Variants in CSMD3 observed in about 807,000 individuals in gnomAD.
The protein encoded by CSMD3 is CUB and Sushi multiple domains 3.
In CSMD3, 177 loss-of-function variants were observed where a neutral mutation model predicts 435.2. The observed-to-expected ratio is 0.41, with a 90% CI of 0.36 to 0.46. CSMD3 has a LOEUF of 0.46. Among genes scored for constraint, CSMD3 ranks in the 20% least tolerant of loss-of-function variants. CSMD3 has a pLI of 0.34. For synonymous variants in CSMD3, 1,656 were observed against 1,520.5 expected (o/e 1.09, Z -2.07); for missense variants, 4,265 against 4,504.6 (o/e 0.95, Z 1.52).
chr8:113,287,155 TG>T (rs111690035), intron 2 of CSMD3, among the ~76,000 whole-genome samples: 1 of 152,144 alleles, frequency 6.6e-6, no homozygotes, highest in African/African-American at 2.4e-5. Flanking sequence ...CACCCTGTAC[TG>T]CTAATGCTAA....
Position 113,252,026 on chromosome 8 carries a change from T to C in CSMD3, c.514+26566A>G, listed in dbSNP as rs562916815. Among the ~76,000 whole-genome samples, 24 of 152,228 alleles carry C rather than the reference T, an allele frequency of 1.6e-4. No homozygotes were observed. In the South Asian group the frequency reaches 4.8e-3, roughly 30 times the overall value. On this transcript the variant is annotated intron_variant, in intron 3 of 70. Transcript: ENST00000297405. Reference sequence around the variant, plus strand: ...ACAGTTAAAATTTTCACAGATACCATAAGTGTAATTTACTTTTTATATTTT... The same window carrying C: ...ACAGTTAAAATTTTCACAGATACCACAAGTGTAATTTACTTTTTATATTTT...
chr8:112,225,003 T>C, intron 70 of CSMD3, 73 bp from the exon 71 acceptor site: 1 of 1,345,382 alleles, frequency 7.4e-7, no homozygotes, highest in Non-Finnish European at 1.1e-6. Context: ...TCAAACATAA[T>C]GTACATCGTT....
intron 22 of CSMD3, among the ~76,000 whole-genome samples, chr8:112,622,660 GA>G (rs1834167559): frequency 6.6e-6 from 1 of 152,090 alleles, no homozygotes; most frequent in Admixed American, 6.6e-5. Flanking sequence ...AATTAATAGG[GA>G]CTCTATAACG....
At position 112,721,281 on chromosome 8, in the gene CSMD3, T is replaced by C. The variant is rs370392749; in HGVS notation, c.1973-31231A>G. ...ACCTCAGTAACAATCACATTAGAAA[T>C]GTTAAAATATTGGCCGGGCATGGTG... On this transcript the variant is annotated intron_variant, in intron 13 of 70. Coordinates refer to ENST00000297405, the MANE Select transcript of CSMD3 (RefSeq NM_198123.2). 3.7e-4 allele frequency among the ~76,000 whole-genome samples: 56 copies of C among 152,214 alleles called. 2 individuals carry two copies. In the South Asian group the frequency reaches 0.011, roughly 30 times the overall value.
chr8:112,279,909 G>T (rs1472071495), intron 59 of CSMD3, among the ~76,000 whole-genome samples: 1 of 152,088 alleles, frequency 6.6e-6, no homozygotes, highest in African/African-American at 2.4e-5. Context: ...ATATACGTGG[G>T]TATCTCAACA....
rs566528030 is a variant in CSMD3, at chr8:112,511,985, G to A, written c.4756+5049C>T. 2.0e-5 allele frequency among the ~76,000 whole-genome samples: 3 copies of A among 152,236 alleles called. No individual in the cohort carries two copies. In the South Asian group the frequency reaches 6.2e-4, roughly 32 times the overall value. ...GTTCAAGTTTTATCATGAGATTGTA[G>A]CAATCCTGTCCCATATTCAGGCTCC... On this transcript the variant is annotated intron_variant, in intron 28 of 70. Transcript: ENST00000297405.
In CSMD3 at chr8:112,633,737, T is replaced by C. The variant is rs556402090; in HGVS notation, c.3715+3080A>G. ...GTACACTAAATATTGAATCAAAATC[T>C]ATATAAATAAAATGTAAAGTAAGTT... On this transcript the variant is annotated intron_variant, in intron 22 of 70. Transcript: ENST00000297405. 7.9e-5 allele frequency among the ~76,000 whole-genome samples: 12 copies of C among 152,140 alleles called. No homozygotes were observed. The South Asian group carries it at 2.3e-3, about 29-fold the overall frequency.
intron 7 of CSMD3, among the ~76,000 whole-genome samples, chr8:112,969,309 C>A (rs2084551293): frequency 6.6e-6 from 1 of 151,940 alleles, no homozygotes; most frequent in South Asian, 2.1e-4. Context: ...TAAAATTGCT[C>A]ACCTAAAATA....
chr8:112,656,052 A>ATT, intron 18 of CSMD3, 102 bp downstream of exon 18: 1 of 679,530 alleles, frequency 1.5e-6, no homozygotes, highest in Middle Eastern at 3.9e-4. Flanking sequence ...GAAAGCTTTG[A>ATT]TTTAAAATAA....
intron 32 of CSMD3, among the ~76,000 whole-genome samples, chr8:112,415,420 T>G (rs1361074808): frequency 3.3e-5 from 5 of 152,110 alleles, no homozygotes; most frequent in Non-Finnish European, 5.9e-5. Flanking sequence ...TTTCAGAAGA[T>G]GTATGGAAAT....
intron 4 of CSMD3, among the ~76,000 whole-genome samples, chr8:113,146,497 C>T (rs1413924336): frequency 6.6e-6 from 1 of 151,362 alleles, no homozygotes; most frequent in African/African-American, 2.4e-5. Context: ...AATATATGAA[C>T]AATGAAAAAT....
In CSMD3 at chr8:113,416,978, TA is replaced by T. The variant is rs555279768; in HGVS notation, c.178+19698del. Among the ~76,000 whole-genome samples, 15 of 152,174 alleles carry T rather than the reference TA, an allele frequency of 9.9e-5. No individual in the cohort carries two copies. In the South Asian group the frequency reaches 3.1e-3, roughly 31 times the overall value. On this transcript the variant is annotated intron_variant, in intron 1 of 70. Transcript: ENST00000297405. ...GATTGTTTTAATAGTTGGCTCTTTC[TA>T]AACATATGCCTCAACATATAAATAT...
chr8:112,460,161 C>T (rs193247184), intron 32 of CSMD3, among the ~76,000 whole-genome samples: 1 of 152,102 alleles, frequency 6.6e-6, no homozygotes, highest in Admixed American at 6.6e-5. Context: ...CTGTGATCTC[C>T]TAGAGGGCAG....
intron 44 of CSMD3, among the ~76,000 whole-genome samples, chr8:112,335,931 G>C (rs1441114430): frequency 6.6e-6 from 1 of 151,778 alleles, no homozygotes; most frequent in Non-Finnish European, 1.5e-5. Flanking sequence ...TATTTATTTA[G>C]AGCCAGGGCC....
chr8:113,078,179 A>G (rs891602210), intron 5 of CSMD3, among the ~76,000 whole-genome samples: 2 of 152,196 alleles, frequency 1.3e-5, no homozygotes, highest in Non-Finnish European at 2.9e-5. Context: ...ATTTATGCAG[A>G]CTATCATATT....
At chr8:112,311,699 C>T (rs774049898) in intron 49 of CSMD3, among the ~76,000 whole-genome samples, 44 of 152,186 alleles carry the variant, frequency 2.9e-4, no homozygotes, top group Admixed American at 2.2e-3. Flanking sequence ...AGAGCGTTTA[C>T]ATATTATGAT....
chr8:112,836,215 A>AT (rs1217847422), intron 11 of CSMD3, among the ~76,000 whole-genome samples: 4 of 151,802 alleles, frequency 2.6e-5, no homozygotes, highest in African/African-American at 7.2e-5. Context: ...TTACATAGGT[A>AT]TTTTTTCCAA....
intron 1 of CSMD3, among the ~76,000 whole-genome samples, chr8:113,394,362 T>C (rs1179371126): frequency 2.0e-5 from 3 of 152,122 alleles, no homozygotes. Context: ...TAGAAATTCT[T>C]TTTTACTGAA....
intron 17 of CSMD3, among the ~76,000 whole-genome samples, chr8:112,662,209 T>C (rs1298317362): frequency 6.6e-6 from 1 of 152,028 alleles, no homozygotes; most frequent in African/African-American, 2.4e-5. Flanking sequence ...GAGCCCACAT[T>C]TCCAAGTCAA....
Sources: gnomAD v4.1 joint callset for allele counts (sites outside exome capture counted in the v4.1 genomes callset) on GRCh38, gnomAD v4.1.1 for gene constraint, MANE v1.5 for transcripts, NCBI Gene and HGNC (gene_info 2026-07-23, HGNC 2026-07-21) for gene names.